The following KDM4B variants were observed in gnomAD, a reference collection of about 807,000 sequenced individuals.
KDM4B encodes lysine demethylase 4B.
A neutral mutation model predicts 125.2 loss-of-function variants in KDM4B; 32 were observed. The ratio of observed to expected loss-of-function variants is 0.26; its 90% CI spans 0.19 to 0.34. KDM4B has a LOEUF of 0.34. Among genes scored for constraint, KDM4B ranks in the 10% least tolerant of loss-of-function variants. KDM4B has a pLI of 1.00. For synonymous variants in KDM4B, 721 were observed against 677.9 expected, an observed-to-expected ratio of 1.06 and a Z score of -0.99; for missense variants, 1,190 against 1,577.7, an observed-to-expected ratio of 0.75 and a Z score of 4.16.
At chr19:5,038,295 A>C (rs1182705794) in intron 3 of KDM4B, among the ~76,000 whole-genome samples, 1 of 152,168 alleles carries the variant, frequency 6.6e-6, no homozygotes, top group Non-Finnish European at 1.5e-5. Context: ...GCCCACCGGC[A>C]GTCTAGAATC....
At chr19:5,111,074 G>A (rs1037748933) in intron 10 of KDM4B, among the ~76,000 whole-genome samples, 4 of 152,164 alleles carry the variant, frequency 2.6e-5, no homozygotes, top group Admixed American at 1.3e-4. Flanking sequence ...CGTCTGTGCC[G>A]TTCACACCCG....
chr19:5,123,785 G>A (rs1467056686), intron 11 of KDM4B, among the ~76,000 whole-genome samples: 2 of 152,242 alleles, frequency 1.3e-5, no homozygotes, highest in Non-Finnish European at 2.9e-5. Context: ...TGGGCTGGCT[G>A]CGGTAGCCAG....
chr19:4,997,852 C>G lies in KDM4B; in HGVS notation c.-108-18405C>G, dbSNP rs1008033505. On this transcript the variant is annotated intron_variant, in intron 1 of 22. Transcript: ENST00000159111. The surrounding 1 kb of genome is among the most constrained non-coding windows in gnomAD (Gnocchi z 4.2). ...GGAGGTTGCTAGACCTGGCGGGCCC[C>G]AGGGCCAGGAGTGAGGGGCGGACGT... 2.6e-5 allele frequency among the ~76,000 whole-genome samples: 4 copies of G among 152,264 alleles called. No individual in the cohort carries two copies. Among genetic ancestry groups the G allele is most frequent in the African/African-American group, 7.2e-5 (3 of 41,476 alleles).
rs531018751 is a variant in KDM4B at position 5,114,162 on chromosome 19, G to A, written c.1115+3344G>A. On this transcript the variant is annotated intron_variant, in intron 10 of 22. Transcript: ENST00000159111. This position sits in a 1 kb window ranked among gnomAD's most constrained non-coding sequence, Gnocchi z 5.8. ...TCACAGTGCTCTCTGGCACCCACGC[G>A]ACGCTCCTCCATGCAAACTCTTTCC... The A allele has an allele frequency of 5.4e-6, 7 of 1,289,706 alleles. No homozygotes were observed. The highest frequency in any genetic ancestry group is 1.1e-4 in the East Asian group (2 of 18,014). 79.9% of individuals were successfully genotyped at this position (1,289,706 alleles called of 1,614,324 possible).
At chr19:5,123,722 A>G (rs1004511475) in intron 11 of KDM4B, among the ~76,000 whole-genome samples, 5 of 152,242 alleles carry the variant, frequency 3.3e-5, no homozygotes, top group Non-Finnish European at 5.9e-5. Flanking sequence ...TGCAGACTCC[A>G]GCAGGCAAGC....
In KDM4B at chr19:5,141,510, C is replaced by T. The variant is rs986081022; in HGVS notation, c.2551-2457C>T. On this transcript the variant is annotated intron_variant, in intron 18 of 22. Coordinates refer to ENST00000159111, the MANE Select transcript of KDM4B (RefSeq NM_015015.3). The surrounding 1 kb of genome is among the most constrained non-coding windows in gnomAD (Gnocchi z 6.4). ...TAAAAATCCTTTTACACGAGGCCCG[C>T]TTGTACTGCTTAATGGGGCTTTGCA... 3.3e-5 allele frequency: 5 copies of T among 152,356 alleles called. No individual in the cohort carries two copies. Among genetic ancestry groups the T allele is most frequent in the Non-Finnish European group, 5.9e-5 (4 of 68,048 alleles). The allele number at this position is 152,356 out of a possible 1,614,324, so 9.4% of individuals were successfully genotyped here. A position where few individuals can be genotyped will look rare whatever the true frequency, so the allele number is the denominator to read the frequency against.
rs534309645 is a variant in KDM4B, at chr19:5,134,369, G to A, written c.2085+308G>A. 5.3e-5 allele frequency among the ~76,000 whole-genome samples: 8 copies of A among 152,278 alleles called. No homozygotes were observed. The East Asian group carries it at 5.8e-4, about 11-fold the overall frequency. ...TGTCTGGTGGGCGCTGAGATGGGCC[G>A]GGTGGTGTGGGAGTGCAGTGAAGGC... On this transcript the variant is annotated intron_variant, in intron 14 of 22. Coordinates refer to ENST00000159111, the MANE Select transcript of KDM4B (RefSeq NM_015015.3).
At chr19:5,008,613 C>G (rs1403894357) in intron 1 of KDM4B, among the ~76,000 whole-genome samples, 2 of 138,662 alleles carry the variant, frequency 1.4e-5, no homozygotes, top group Admixed American at 1.5e-4. Flanking sequence ...TTTTTTGAGA[C>G]AGAGTCTTAC....
chr19:5,018,966 G>A (rs1038028331), intron 2 of KDM4B, among the ~76,000 whole-genome samples: 9 of 152,266 alleles, frequency 5.9e-5, no homozygotes, highest in South Asian at 4.1e-4. Context: ...GCTGATGGGC[G>A]CTCATGTGGC....
At chr19:5,128,227 TG>T (rs1296320628) in intron 11 of KDM4B, among the ~76,000 whole-genome samples, 1 of 152,196 alleles carries the variant, frequency 6.6e-6, no homozygotes, top group African/African-American at 2.4e-5. Flanking sequence ...CTGGGGACTC[TG>T]ATGAGTGTTT....
intron 9 of KDM4B, among the ~76,000 whole-genome samples, chr19:5,084,987 C>T (rs1046751951): frequency 7.2e-5 from 11 of 152,092 alleles, no homozygotes; most frequent in East Asian, 3.9e-4. Context: ...ATTACAGGCG[C>T]GAGCCACCAC....
At chr19:5,132,513 G>A (rs11881081) in intron 13 of KDM4B, among the ~76,000 whole-genome samples, 2,319 of 152,164 alleles carry the variant, frequency 0.015, 63 homozygotes, top group African/African-American at 0.052. Context: ...TCTGGATGGC[G>A]TCTTTCATCC....
intron 9 of KDM4B, among the ~76,000 whole-genome samples, chr19:5,101,319 C>T (rs2145951923): frequency 6.7e-6 from 1 of 148,418 alleles, no homozygotes; most frequent in Middle Eastern, 3.5e-3. Flanking sequence ...GATCATAGTG[C>T]AGGCCCATCT....
intron 2 of KDM4B, among the ~76,000 whole-genome samples, chr19:5,032,494 C>T (rs1194536820): frequency 6.6e-6 from 1 of 152,220 alleles, no homozygotes; most frequent in Admixed American, 6.5e-5. Flanking sequence ...GTCTCTCGTG[C>T]GGATCAGGCT....
intron 21 of KDM4B, among the ~76,000 whole-genome samples, chr19:5,149,497 G>A (rs923681153): frequency 6.6e-6 from 1 of 152,182 alleles, no homozygotes; most frequent in Admixed American, 6.5e-5. Context: ...TGTGAAAAGC[G>A]AGCCCTCTGA....
At chr19:5,041,474 A>G (rs2036814439) in intron 5 of KDM4B, among the ~76,000 whole-genome samples, 2 of 151,968 alleles carry the variant, frequency 1.3e-5, no homozygotes, top group South Asian at 2.1e-4. Flanking sequence ...TGCAGCCCCC[A>G]CCCTGAGCTC....
intron 9 of KDM4B, among the ~76,000 whole-genome samples, chr19:5,083,624 G>C (rs1410844651): frequency 2.0e-5 from 3 of 152,210 alleles, no homozygotes; most frequent in African/African-American, 7.2e-5. Flanking sequence ...GCTCAGGGCT[G>C]CTGTTTCTGG....
Position 5,124,830 on chromosome 19 carries a change from A to G in KDM4B, c.1315+4978A>G, listed in dbSNP as rs908039364. Among the ~76,000 whole-genome samples the G allele has an allele frequency of 6.6e-5, 10 of 152,334 alleles. No homozygotes were observed. In the East Asian group the frequency reaches 1.9e-3, roughly 29 times the overall value. On this transcript the variant is annotated intron_variant, in intron 11 of 22. Transcript: ENST00000159111. Reference sequence around the variant, plus strand: ...AGAATGGTCTCCAACTCCTGACCTCAGGTGATCCACTTGCCTCAGCCTCCC... The same window carrying G: ...AGAATGGTCTCCAACTCCTGACCTCGGGTGATCCACTTGCCTCAGCCTCCC...
In KDM4B at chr19:5,135,270, A is replaced by G. The variant is rs749471262; in HGVS notation, c.2086-69A>G. On this transcript the variant is annotated intron_variant, in intron 14 of 22. Transcript: ENST00000159111. ...AAGCCTGGGGCAGGTGCCCTGAGAG[A>G]GGTCCGCGCCGCCCGCCCGCCTGCC... 6.1e-4 allele frequency: 643 copies of G among 1,054,338 alleles called. 1 individual carries two copies. Among genetic ancestry groups the G allele is most frequent in the Non-Finnish European group, 8.6e-4 (605 of 701,260 alleles). The allele number at this position is 1,054,338 out of a possible 1,614,324, so 65.3% of individuals were successfully genotyped here. A position where few individuals can be genotyped will look rare whatever the true frequency, so the allele number is the denominator to read the frequency against.
Sources: gnomAD v4.1 joint callset for allele counts (sites outside exome capture counted in the v4.1 genomes callset) on GRCh38, gnomAD v4.1.1 for gene constraint, Gnocchi (gnomAD v3.1) non-coding constraint, MANE v1.5 for transcripts, NCBI Gene and HGNC (gene_info 2026-07-23, HGNC 2026-07-21) for gene names.